The following EBF1 variants were observed in gnomAD, a reference collection of about 807,000 sequenced individuals.
The protein encoded by EBF1 is transcription factor COE1.
In EBF1, 10 loss-of-function variants were observed where a neutral mutation model predicts 68.4. The ratio of observed to expected loss-of-function variants is 0.15; its 90% confidence interval spans 0.09 to 0.25. The LOEUF is 0.25. EBF1 is among the 10% of genes least tolerant of loss of function. The pLI is 1.00. For synonymous variants in EBF1, 298 were observed against 299.8 expected (o/e 0.99, Z 0.06); for missense variants, 509 against 794.4 (o/e 0.64, Z 4.32).
At chr5:158,724,513 G>A (rs1762595329) in intron 11 of EBF1, among the ~76,000 whole-genome samples, 1 of 152,174 alleles carries the variant, frequency 6.6e-6, no homozygotes, top group African/African-American at 2.4e-5. Context: ...ATTACTGATA[G>A]TCTTTGCATA....
chr5:158,751,914 G>A (rs1768985812), intron 10 of EBF1, among the ~76,000 whole-genome samples: 1 of 151,982 alleles, frequency 6.6e-6, no homozygotes. Context: ...CGAGACTCAG[G>A]ATTGTAGTGG....
intron 6 of EBF1, among the ~76,000 whole-genome samples, chr5:158,992,444 T>A (rs1440164729): frequency 1.3e-5 from 2 of 152,192 alleles, no homozygotes; most frequent in Non-Finnish European, 2.9e-5. Context: ...AAGACATTGA[T>A]GTGTTTTTTC....
intron 6 of EBF1, among the ~76,000 whole-genome samples, chr5:159,027,122 G>A (rs1273540397): frequency 1.3e-5 from 2 of 152,124 alleles, no homozygotes; most frequent in Non-Finnish European, 2.9e-5. Context: ...CAGCATTTCA[G>A]CAGGGGCAGT....
chr5:158,946,271 T>A (rs1482224096), intron 6 of EBF1, among the ~76,000 whole-genome samples: 1 of 152,222 alleles, frequency 6.6e-6, no homozygotes, highest in East Asian at 1.9e-4. Flanking sequence ...GCATCCCGGT[T>A]TTTGGCATTT....
chr5:158,797,578 C>T (rs1030179923), intron 8 of EBF1, among the ~76,000 whole-genome samples: 1 of 151,966 alleles, frequency 6.6e-6, no homozygotes, highest in African/African-American at 2.4e-5. Flanking sequence ...AAAAAACTGG[C>T]AAAAAAATAT....
chr5:158,971,949 C>T (rs1294963112), intron 6 of EBF1, among the ~76,000 whole-genome samples: 1 of 152,222 alleles, frequency 6.6e-6, no homozygotes, highest in Non-Finnish European at 1.5e-5. Context: ...AAGAAGGACA[C>T]TCATGTATGG....
intron 7 of EBF1, among the ~76,000 whole-genome samples, chr5:158,828,561 C>T (rs1408770382): frequency 2.6e-5 from 4 of 152,084 alleles, no homozygotes; most frequent in South Asian, 2.1e-4. Context: ...TAAAAATACA[C>T]CCACACAAAC....
chr5:158,818,283 AAAACAAAC>A (rs1257325042), intron 8 of EBF1, among the ~76,000 whole-genome samples: 1 of 152,230 alleles, frequency 6.6e-6, no homozygotes. Context: ...TAAAAACATG[AAAACAAAC>A]AAACAAAAAA....
chr5:159,056,046 C>G (rs1347460857), intron 6 of EBF1, among the ~76,000 whole-genome samples: 4 of 152,056 alleles, frequency 2.6e-5, no homozygotes, highest in Non-Finnish European at 5.9e-5. Context: ...TACATGAAAC[C>G]ATTTTTTAAT....
At chr5:158,805,420 C>T (rs1781400734) in intron 8 of EBF1, among the ~76,000 whole-genome samples, 1 of 152,254 alleles carries the variant, frequency 6.6e-6, no homozygotes, top group Non-Finnish European at 1.5e-5. Flanking sequence ...CTGAACTCTG[C>T]TCCATCTGTT....
chr5:158,705,141 C>T (rs1025373777), intron 15 of EBF1, among the ~76,000 whole-genome samples: 7 of 152,160 alleles, frequency 4.6e-5, no homozygotes, highest in East Asian at 1.9e-4. Context: ...CCACCAGGCC[C>T]GGCTAATTTT....
At chr5:158,839,911 G>T in intron 7 of EBF1, 118 bp downstream of exon 7, 2 of 890,474 alleles carry the variant, frequency 2.2e-6, no homozygotes, top group South Asian at 1.4e-5. Flanking sequence ...GGGACCAAGG[G>T]CCTCAGCTGC....
intron 6 of EBF1, among the ~76,000 whole-genome samples, chr5:158,887,684 G>T (rs1349781044): frequency 1.3e-5 from 2 of 152,134 alleles, no homozygotes; most frequent in Non-Finnish European, 2.9e-5. Flanking sequence ...TCCTCAACAA[G>T]CTTCTCTGTG....
In EBF1 at chr5:158,778,252, T is replaced by G. The variant is rs899442785; in HGVS notation, c.910-713A>C. On this transcript the variant is annotated intron_variant, in intron 9 of 15. Transcript: ENST00000313708. The stretch of plus-strand genomic sequence containing the variant: ...AATCAGATTACACCATGAAGCAGAA[T>G]TTATTTTGTATTACTCTTATCTTTG... Among the ~76,000 whole-genome samples, 3 of 152,160 alleles carry G rather than the reference T, an allele frequency of 2.0e-5. No individual in the cohort carries two copies. The East Asian group carries it at 5.8e-4, about 29-fold the overall frequency.
chr5:158,774,169 T>C (rs1774531081), intron 10 of EBF1, among the ~76,000 whole-genome samples: 1 of 152,032 alleles, frequency 6.6e-6, no homozygotes, highest in Non-Finnish European at 1.5e-5. Context: ...CATGGCACAT[T>C]AGCAGCTATG....
At chr5:158,861,411 G>A (rs1001728068) in intron 6 of EBF1, among the ~76,000 whole-genome samples, 6 of 152,130 alleles carry the variant, frequency 3.9e-5, no homozygotes, top group Admixed American at 6.5e-5. Context: ...TCACTCAAGC[G>A]AGGATCTGCA....
intron 6 of EBF1, among the ~76,000 whole-genome samples, chr5:158,998,003 T>A (rs1397754682): frequency 6.6e-6 from 1 of 152,126 alleles, no homozygotes; most frequent in African/African-American, 2.4e-5. Flanking sequence ...CCCTGCTACC[T>A]CCTCCTCATT....
At chr5:159,032,845 TC>T (rs1252210411) in intron 6 of EBF1, among the ~76,000 whole-genome samples, 7 of 152,094 alleles carry the variant, frequency 4.6e-5, no homozygotes, top group Non-Finnish European at 7.4e-5. Flanking sequence ...TATCAAGAGC[TC>T]TCAAGTCATT....
chr5:158,767,002 C>T (rs1291636647), intron 10 of EBF1, among the ~76,000 whole-genome samples: 1 of 152,134 alleles, frequency 6.6e-6, no homozygotes, highest in African/African-American at 2.4e-5. Context: ...AATACATATA[C>T]AGCTCAGTTC....
Sources: gnomAD v4.1 joint callset for allele counts (sites outside exome capture counted in the v4.1 genomes callset) on GRCh38, gnomAD v4.1.1 for gene constraint, MANE v1.5 for transcripts, NCBI Gene and HGNC (gene_info 2026-07-23, HGNC 2026-07-21) for gene names.